Variants in PCDHA2 observed in about 807,000 individuals in gnomAD.
PCDHA2 encodes protocadherin alpha-2.
Under a neutral mutation model 66.0 loss-of-function variants are expected in PCDHA2, and 58 were observed. That is an observed-to-expected ratio of 0.88 (90% CI 0.71 to 1.09). The LOEUF is 1.09. Ranked by LOEUF, PCDHA2 falls within the 50% of genes least tolerant of loss-of-function variation. The pLI, the probability that PCDHA2 is intolerant of heterozygous loss-of-function variation, is 0.00. For missense variants in PCDHA2, 1,267 were observed against 1,242.3 expected (o/e 1.02, Z -0.30); for synonymous variants, 634 against 554.0 (o/e 1.14, Z -2.03).
chr5:140,861,046 A>G (rs2046732410), intron 1 of PCDHA2: 1 of 152,256 alleles, frequency 6.6e-6, no homozygotes, highest in African/African-American at 2.4e-5. Context: ...ATTTTTTTTA[A>G]CAGAAGAAAA....
intron 2 of PCDHA2, 90 bp downstream of exon 2, chr5:140,979,097 C>T (rs2096835129): frequency 9.0e-6 from 14 of 1,547,204 alleles, no homozygotes; most frequent in African/African-American, 1.4e-5. Context: ...AAGCAGCTGT[C>T]AAAACTAAAA....
intron 1 of PCDHA2, among the ~76,000 whole-genome samples, chr5:140,831,853 C>T (rs143262235): frequency 6.6e-6 from 1 of 152,240 alleles, no homozygotes; most frequent in East Asian, 1.9e-4. Context: ...TGTCATAAAG[C>T]TTTAGTAAGT....
chr5:140,795,552 G>A lies in PCDHA2; in HGVS notation c.588G>A (p.Leu196=). The change falls in exon 1 of 4, where the codon CTG becomes CTA. Residue 196 remains leucine (L), a synonymous_variant. Transcript: ENST00000526136. The part of the protein sequence containing the change: ...DELSESLSLV[L]GKSLDREETA... ...TAAGCGAATCTTTGTCTCTCGTGCT[G>A]GGGAAATCGCTGGACAGAGAGGAAA... 1.2e-6 allele frequency: 2 copies of A among 1,614,030 alleles called. No individual in the cohort carries two copies. The highest frequency in any genetic ancestry group is 2.2e-5 in the East Asian group (1 of 44,886).
chr5:140,927,427 G>C, intron 1 of PCDHA2: 2 of 1,614,114 alleles, frequency 1.2e-6, no homozygotes, highest in African/African-American at 1.3e-5. Flanking sequence ...GCGGGTTGAC[G>C]GCAGCGAATA....
intron 1 of PCDHA2, among the ~76,000 whole-genome samples, chr5:140,846,369 CTTTCTTTTTTTT>C (rs1156484325): frequency 9.8e-6 from 1 of 102,192 alleles, no homozygotes; most frequent in Non-Finnish European, 2.0e-5. Flanking sequence ...TCTTTTCTTT[CTTTCTTTTTTTT>C]TTTTTTTTTT....
chr5:140,927,505 G>C, intron 1 of PCDHA2: 2 of 1,614,120 alleles, frequency 1.2e-6, no homozygotes, highest in Middle Eastern at 1.6e-4. Context: ...GGTGCTTACA[G>C]CTCGGGACGG....
intron 1 of PCDHA2, chr5:140,803,291 G>GT (rs1376333246): frequency 6.2e-7 from 1 of 1,613,990 alleles, no homozygotes; most frequent in African/African-American, 1.3e-5. Context: ...ATGTCAACGT[G>GT]TACTTGATCG....
At position 140,856,908 on chromosome 5, in the gene PCDHA2, C is replaced by G. The variant is rs1319775845; in HGVS notation, c.2388+59556C>G. 7 of 1,595,460 alleles carry G rather than the reference C, an allele frequency of 4.4e-6. 1 individual carries two copies. The African/African-American group carries it at 9.4e-5, about 22-fold the overall frequency. On this transcript the variant is annotated intron_variant, in intron 1 of 3. Coordinates refer to ENST00000526136, the MANE Select transcript of PCDHA2 (RefSeq NM_018905.3). ...TCATTTAGCTCTTTGGTCCCACCCA[C>G]GATAAGAAGGAAATTTTGGATAAAC...
intron 3 of PCDHA2, among the ~76,000 whole-genome samples, chr5:140,991,199 C>G (rs1554252002): frequency 6.6e-6 from 1 of 152,150 alleles, no homozygotes; most frequent in East Asian, 1.9e-4. Context: ...CAATGATGCT[C>G]AATAAATTTT....
chr5:140,911,672 C>G (rs1010402307), intron 1 of PCDHA2, among the ~76,000 whole-genome samples: 1 of 152,156 alleles, frequency 6.6e-6, no homozygotes, highest in Non-Finnish European at 1.5e-5. Context: ...TTGCCTCTCA[C>G]GAACCGTGCA....
At chr5:140,860,323 G>A (rs782283348) in intron 1 of PCDHA2, 1 of 152,078 alleles carries the variant, frequency 6.6e-6, no homozygotes, top group African/African-American at 2.4e-5. Context: ...TGAGGCTGCA[G>A]TGACCCATGA....
intron 1 of PCDHA2, chr5:140,868,560 T>C (rs2050524245): frequency 1.3e-5 from 2 of 152,862 alleles, no homozygotes; most frequent in South Asian, 2.1e-4. Flanking sequence ...TATTTTTATA[T>C]GAGGAACAAC....
chr5:140,969,348 G>A, intron 1 of PCDHA2: 5 of 1,613,304 alleles, frequency 3.1e-6, no homozygotes, highest in Non-Finnish European at 4.2e-6. Flanking sequence ...CAGTGGTCAG[G>A]GGGTCTTCTA....
chr5:141,000,926 G>T (rs1554257936), intron 3 of PCDHA2, among the ~76,000 whole-genome samples: 1 of 151,956 alleles, frequency 6.6e-6, no homozygotes, highest in Non-Finnish European at 1.5e-5. Flanking sequence ...AAAATCCTGT[G>T]TGATTTAGGA....
At chr5:140,904,154 C>T (rs1163595423) in intron 1 of PCDHA2, among the ~76,000 whole-genome samples, 1 of 152,060 alleles carries the variant, frequency 6.6e-6, no homozygotes, top group Non-Finnish European at 1.5e-5. Flanking sequence ...ACATTGCACC[C>T]AGTTTGTAGT....
At chr5:140,874,957 T>C (rs1330073461) in intron 1 of PCDHA2, among the ~76,000 whole-genome samples, 3 of 152,350 alleles carry the variant, frequency 2.0e-5, no homozygotes, top group African/African-American at 7.2e-5. Flanking sequence ...TTGTAAGCTA[T>C]ATAAGGGGAG....
rs372699466 is a variant in PCDHA2, at chr5:140,807,817, A to C, written c.2388+10465A>C. On this transcript the variant is annotated intron_variant, in intron 1 of 3. Transcript: ENST00000526136. ...GAGAAGAAGCTCCGGAGATTTTTTT[A>C]GTGCTCACAGCCACTGATGGAGGCA... The C allele has an allele frequency of 1.3e-4, 210 of 1,614,050 alleles. No homozygotes were observed. The highest frequency in any genetic ancestry group is 1.7e-4 in the Non-Finnish European group (201 of 1,180,040).
chr5:140,891,055 G>A (rs2062932146), intron 1 of PCDHA2, among the ~76,000 whole-genome samples: 1 of 152,142 alleles, frequency 6.6e-6, no homozygotes, highest in Admixed American at 6.5e-5. Context: ...ACAGCACATA[G>A]TAAATATTAT....
chr5:140,884,734 C>G, intron 1 of PCDHA2: 1 of 1,445,332 alleles, frequency 6.9e-7, no homozygotes. Flanking sequence ...TTTAAGACAT[C>G]TTTCCTGCCA....
Sources: gnomAD v4.1 joint callset for allele counts (sites outside exome capture counted in the v4.1 genomes callset) on GRCh38, gnomAD v4.1.1 for gene constraint, MANE v1.5 for transcripts, NCBI Gene and HGNC (gene_info 2026-07-23, HGNC 2026-07-21) for gene names.